PRKDC: variants seen among roughly 807,000 people sequenced by gnomAD.
PRKDC encodes protein kinase, DNA-activated, catalytic subunit.
A neutral mutation model predicts 486.9 loss-of-function variants in PRKDC; 82 were observed. The ratio of observed to expected loss-of-function variants is 0.17; its 90% CI spans 0.14 to 0.20. The LOEUF (loss-of-function observed/expected upper bound fraction) is 0.20, where lower values mean the gene tolerates loss of function less well. Among genes scored for constraint, PRKDC ranks in the 10% least tolerant of loss-of-function variants. PRKDC has a pLI of 1.00. For synonymous variants in PRKDC, 1,895 were observed against 1,837.0 expected (o/e 1.03, Z -0.81); for missense variants, 4,504 against 5,038.2 (o/e 0.89, Z 3.21).
Position 47,890,278 on chromosome 8 carries a change from G to A in PRKDC, c.4050C>T (p.Asn1350=), listed in dbSNP as rs756389592. The A allele has an allele frequency of 6.8e-6, 11 of 1,611,854 alleles. No individual in the cohort carries two copies. The highest frequency in any genetic ancestry group is 9.3e-6 in the Non-Finnish European group (11 of 1,179,576). The part of the protein sequence containing the change: ...RIMEFTTTLL[N]TSPEGWKLLK... ...CTACCTTCCATCCTTCCGGGGAGGT[G>A]TTTAGCAGAGTCGTGGTAAACTCCA... Residue 1350 remains asparagine, a synonymous_variant, in exon 32 of 86, where the codon AAC becomes AAT. Coordinates refer to ENST00000314191, the MANE Select transcript of PRKDC (RefSeq NM_006904.7).
chr8:47,888,979 G>A, intron 33 of PRKDC, 35 bp downstream of exon 33: 1 of 1,589,776 alleles, frequency 6.3e-7, no homozygotes, highest in Non-Finnish European at 8.6e-7. Context: ...GAAATTCCAG[G>A]ACAACATGTC....
rs749815637 is a variant in PRKDC at position 47,943,310 on chromosome 8, T to A, written c.865A>T (p.Asn289Tyr). ...AAGACTTCAAATAGAGACACGTAGT[T>A]GTCCAGAAGGCAGGTGCTAAACTGA... is the stretch of plus-strand genomic sequence containing the variant. ...ASQFSTCLLD[N>Y]YVSLFEVLLK... Residue 289 changes from asparagine (N) to tyrosine (Y), a missense_variant, in exon 10 of 86, where the codon AAC becomes TAC. Coordinates refer to ENST00000314191, the MANE Select transcript of PRKDC (RefSeq NM_006904.7). The A allele has an allele frequency of 1.9e-6, 3 of 1,612,346 alleles. No individual in the cohort carries two copies. The highest frequency in any genetic ancestry group is 1.7e-5 in the Admixed American group (1 of 59,762).
At chr8:47,940,602 T>C (rs1293686011) in intron 10 of PRKDC, among the ~76,000 whole-genome samples, 1 of 152,254 alleles carries the variant, frequency 6.6e-6, no homozygotes, top group Non-Finnish European at 1.5e-5. Context: ...AAACATATCA[T>C]AAATGTTTCT....
chr8:47,916,440 A>T (rs1006106507), intron 22 of PRKDC, among the ~76,000 whole-genome samples: 1 of 152,134 alleles, frequency 6.6e-6, no homozygotes, highest in Admixed American at 6.6e-5. Flanking sequence ...CAAAATAAAA[A>T]AAAAAAAATC....
At position 47,879,484 on chromosome 8, in the gene PRKDC, A is replaced by T; in HGVS notation, c.5235+7T>A. 1 of 1,562,172 alleles carries T rather than the reference A, an allele frequency of 6.4e-7. No homozygotes were observed. The highest frequency in any genetic ancestry group is 1.9e-5 in the Admixed American group (1 of 52,472). ...TTTAATTTTACTTGATACTACTAGAAACTAACCTTTTTCATGCAGTCCACA... is the reference window on the plus strand; with the variant it reads ...TTTAATTTTACTTGATACTACTAGATACTAACCTTTTTCATGCAGTCCACA... On this transcript the variant is annotated splice_region_variant and intron_variant, in intron 39 of 85. Transcript: ENST00000314191.
rs1220326225 is a variant in PRKDC at position 47,955,857 on chromosome 8, C to T, written c.399+17G>A. 4 of 1,543,634 alleles carry T rather than the reference C, an allele frequency of 2.6e-6. No individual in the cohort carries two copies. The highest frequency in any genetic ancestry group is 3.5e-6 in the Non-Finnish European group (4 of 1,130,862). ...ACATGTTTAATGTAAAATACGTGTA[C>T]TTAGAAACATAATTACCTTAATAAG... On this transcript the variant is annotated intron_variant, in intron 4 of 85. Transcript: ENST00000314191.
intron 40 of PRKDC, among the ~76,000 whole-genome samples, chr8:47,866,171 A>G (rs1319772405): frequency 6.6e-6 from 1 of 151,588 alleles, no homozygotes; most frequent in Admixed American, 6.6e-5. Context: ...AAAAAAAAAA[A>G]AAAAAAAAGA....
intron 11 of PRKDC, among the ~76,000 whole-genome samples, chr8:47,936,965 A>G (rs887058229): frequency 4.4e-4 from 66 of 150,714 alleles, no homozygotes; most frequent in African/African-American, 1.5e-3. Context: ...TATAAAATAC[A>G]GTATCTGGCC....
At chr8:47,923,489 G>A (rs2090107257) in intron 21 of PRKDC, among the ~76,000 whole-genome samples, 2 of 152,208 alleles carry the variant, frequency 1.3e-5, no homozygotes, top group African/African-American at 4.8e-5. Flanking sequence ...GGCCCAGAGT[G>A]GCACTGAGTT....
chr8:47,793,683 T>TAAAAAA (rs397892514), intron 74 of PRKDC, among the ~76,000 whole-genome samples: 4 of 72,808 alleles, frequency 5.5e-5, no homozygotes, highest in Non-Finnish European at 1.2e-4. Context: ...TTAAAAAAAC[T>TAAAAAA]AAAAAAAAAA....
chr8:47,913,841 C>T (rs543261746), intron 24 of PRKDC, 60 bp downstream of exon 24: 1 of 1,426,838 alleles, frequency 7.0e-7, no homozygotes, highest in South Asian at 1.7e-5. Flanking sequence ...ATATCCTAAG[C>T]AATATGTATT....
chr8:47,848,501 G>A (rs1448306454), intron 54 of PRKDC, among the ~76,000 whole-genome samples: 3 of 152,130 alleles, frequency 2.0e-5, no homozygotes, highest in African/African-American at 7.2e-5. Flanking sequence ...GGGAGGATAT[G>A]AGGCAAGAGT....
chr8:47,777,954 C>T, intron 83 of PRKDC, 80 bp from the exon 84 acceptor site: 5 of 1,274,848 alleles, frequency 3.9e-6, no homozygotes, highest in Non-Finnish European at 5.6e-6. Context: ...AGCATCCTCA[C>T]ATAGTTACTG....
Position 47,783,950 on chromosome 8 carries a change from C to A in PRKDC, c.11108-141G>T, listed in dbSNP as rs1232424465. 1.1e-5 allele frequency: 9 copies of A among 811,898 alleles called. No individual in the cohort carries two copies. In the South Asian group the frequency reaches 1.3e-4, roughly 12 times the overall value. 50.3% of individuals were successfully genotyped at this position (811,898 alleles called of 1,614,324 possible). On this transcript the variant is annotated intron_variant, in intron 77 of 85. Coordinates refer to ENST00000314191, the MANE Select transcript of PRKDC (RefSeq NM_006904.7). Reference sequence around the variant, plus strand: ...CTGAAAAGTTTTCACTTAAAGGGAACTGACTTTAAAAAAAATGTTATTTCT... The same window carrying A: ...CTGAAAAGTTTTCACTTAAAGGGAAATGACTTTAAAAAAAATGTTATTTCT...
intron 11 of PRKDC, among the ~76,000 whole-genome samples, chr8:47,937,607 G>A (rs968103904): frequency 1.3e-5 from 2 of 152,112 alleles, no homozygotes; most frequent in African/African-American, 2.4e-5. Context: ...TCTAGTCCAG[G>A]CTCCCCGAGG....
Position 47,897,252 on chromosome 8 carries a change from G to C in PRKDC, c.3507C>G (p.Val1169=), listed in dbSNP as rs1318510872. 1 of 1,606,172 alleles carries C rather than the reference G, an allele frequency of 6.2e-7. No homozygotes were observed. Among genetic ancestry groups the C allele is most frequent in the Middle Eastern group, 1.7e-4 (1 of 6,038 alleles). Residue 1169 remains valine, a synonymous_variant, in exon 30 of 86, where the codon GTC becomes GTG. Coordinates refer to ENST00000314191, the MANE Select transcript of PRKDC (RefSeq NM_006904.7). Reference sequence around the variant, plus strand: ...TCCCACAATGAGCTAAAAGCCACTTGACCAGATCCAATAAACACAATGATG... The same window carrying C: ...TCCCACAATGAGCTAAAAGCCACTTCACCAGATCCAATAAACACAATGATG... ...PSASLCLLDL[V]KWLLAHCGRP...
rs2090207012 is a variant in PRKDC at position 47,929,137 on chromosome 8, T to A, written c.2094A>T (p.Pro698=). 6.3e-7 allele frequency: 1 copy of A among 1,579,334 alleles called. No homozygotes were observed. The highest frequency in any genetic ancestry group is 8.6e-7 in the Non-Finnish European group (1 of 1,160,712). Residue 698 remains proline (P), a synonymous_variant, in exon 19 of 86, where the codon CCA becomes CCT. Transcript: ENST00000314191. ...PKSLKHSPED[P]EKYSCFALFV... is the part of the protein sequence containing the mutation. ...ATAAAGCAAAGCAAGAATACTTTTCTGGGTCTTCAGGAGAGTGTTTCAGAC... is the reference window on the plus strand; with the variant it reads ...ATAAAGCAAAGCAAGAATACTTTTCAGGGTCTTCAGGAGAGTGTTTCAGAC...
chr8:47,851,556 G>C (rs2088403590), intron 52 of PRKDC, among the ~76,000 whole-genome samples: 1 of 152,196 alleles, frequency 6.6e-6, no homozygotes, highest in Non-Finnish European at 1.5e-5. Flanking sequence ...CTTCTCCTGA[G>C]CCTCTCCTCA....
intron 41 of PRKDC, 75 bp downstream of exon 41, chr8:47,864,481 A>G (rs2088757802): frequency 1.5e-6 from 2 of 1,316,316 alleles, no homozygotes; most frequent in African/African-American, 2.9e-5. Flanking sequence ...CATGTGACTG[A>G]GCACACAGCA....
Sources: gnomAD v4.1 joint callset for allele counts (sites outside exome capture counted in the v4.1 genomes callset) on GRCh38, gnomAD v4.1.1 for gene constraint, MANE v1.5 for transcripts, NCBI Gene and HGNC (gene_info 2026-07-23, HGNC 2026-07-21) for gene names.